The following RNLS variants were observed in gnomAD, a reference collection of about 807,000 sequenced individuals.
RNLS encodes the protein renalase.
RNLS carries 39 observed loss-of-function variants against 39.8 expected under a neutral mutation model. That is an observed-to-expected ratio of 0.98 (90% CI 0.76 to 1.28). RNLS has a LOEUF of 1.28. RNLS is among the 50% of genes most tolerant of loss of function. The probability of loss-of-function intolerance (pLI) is 0.00; values close to 1 mark genes in which losing one functional copy is unlikely to be tolerated. For synonymous variants in RNLS, 147 were observed against 150.7 expected, an observed-to-expected ratio of 0.98 and a Z score of 0.18; for missense variants, 410 against 413.3, an observed-to-expected ratio of 0.99 and a Z score of 0.07.
chr10:88,510,971 G>A (rs555644047), intron 4 of RNLS, among the ~76,000 whole-genome samples: 16 of 144,720 alleles, frequency 1.1e-4, no homozygotes, highest in South Asian at 2.2e-4. Context: ...ATTCATCCAC[G>A]TAAGAAGACA....
the RNLS span, among the ~76,000 whole-genome samples, chr10:88,254,934 T>C: frequency 6.6e-6 from 1 of 152,232 alleles, no homozygotes. Flanking sequence ...AGAATAAATA[T>C]AAAACACTCT....
intron 4 of RNLS, among the ~76,000 whole-genome samples, chr10:88,563,127 C>T (rs1472070975): frequency 1.3e-5 from 2 of 152,026 alleles, no homozygotes. Flanking sequence ...TATAAAGATG[C>T]CAATTCTTCC....
At chr10:88,363,045 C>T (rs747393731) in intron 4 of RNLS, among the ~76,000 whole-genome samples, 3 of 152,186 alleles carry the variant, frequency 2.0e-5, no homozygotes, top group Non-Finnish European at 2.9e-5. Flanking sequence ...TTATAGATTC[C>T]ATACACTGAC....
At chr10:88,323,269 A>T (rs562008231) in intron 5 of RNLS, among the ~76,000 whole-genome samples, 1 of 152,050 alleles carries the variant, frequency 6.6e-6, no homozygotes, top group African/African-American at 2.4e-5. Flanking sequence ...TTTTCACAGA[A>T]TTAGAAAAAA....
At chr10:88,546,806 G>C (rs1848336884) in intron 4 of RNLS, among the ~76,000 whole-genome samples, 1 of 151,374 alleles carries the variant, frequency 6.6e-6, no homozygotes, top group African/African-American at 2.4e-5. Context: ...GAATGGGCTA[G>C]ATAAAATTTC....
chr10:88,230,408 C>T, the RNLS span, among the ~76,000 whole-genome samples: 1 of 152,110 alleles, frequency 6.6e-6, no homozygotes, highest in Non-Finnish European at 1.5e-5. Context: ...TGCCCTCATC[C>T]ACCTGAGTCG....
At chr10:88,247,173 G>A in the RNLS span, among the ~76,000 whole-genome samples, 1 of 152,212 alleles carries the variant, frequency 6.6e-6, no homozygotes, top group South Asian at 2.1e-4. Context: ...TGGCTTGGAG[G>A]GCCCTGATAA....
intron 4 of RNLS, among the ~76,000 whole-genome samples, chr10:88,371,441 A>T (rs956335769): frequency 1.3e-5 from 2 of 152,202 alleles, no homozygotes; most frequent in Admixed American, 6.5e-5. Context: ...CAGAGTAGAG[A>T]ATAAAAACAA....
At chr10:88,304,443 G>C (rs561411516) in intron 6 of RNLS, among the ~76,000 whole-genome samples, 1 of 152,132 alleles carries the variant, frequency 6.6e-6, no homozygotes, top group Non-Finnish European at 1.5e-5. Flanking sequence ...CAAAAATAAT[G>C]ATAAAACAAG....
At chr10:88,485,554 G>A (rs1844445359) in intron 4 of RNLS, among the ~76,000 whole-genome samples, 1 of 144,162 alleles carries the variant, frequency 6.9e-6, no homozygotes. Context: ...GATAATAAAA[G>A]AATTACTCCA....
At chr10:88,522,220 G>A (rs543075273) in intron 4 of RNLS, among the ~76,000 whole-genome samples, 1 of 152,218 alleles carries the variant, frequency 6.6e-6, no homozygotes, top group East Asian at 1.9e-4. Context: ...AGTACAGACA[G>A]TGCCTGAAAT....
downstream of RNLS, among the ~76,000 whole-genome samples, chr10:88,282,383 A>G (rs541722679): frequency 6.6e-6 from 1 of 152,164 alleles, no homozygotes; most frequent in South Asian, 2.1e-4. Context: ...TGGTTGGCCA[A>G]GATCTGTGCC....
chr10:88,359,538 C>T (rs900910630), intron 5 of RNLS, among the ~76,000 whole-genome samples: 1 of 152,164 alleles, frequency 6.6e-6, no homozygotes, highest in Admixed American at 6.5e-5. Context: ...ATTTAAAACT[C>T]GCATAATTGA....
chr10:88,454,029 A>C (rs1252414446), intron 4 of RNLS, among the ~76,000 whole-genome samples: 1 of 152,214 alleles, frequency 6.6e-6, no homozygotes, highest in Admixed American at 6.5e-5. Context: ...ACTAGAAACT[A>C]TGGGAGTGGA....
intron 5 of RNLS, among the ~76,000 whole-genome samples, chr10:88,350,167 CT>C (rs1848582517): frequency 6.6e-6 from 1 of 150,738 alleles, no homozygotes; most frequent in East Asian, 1.9e-4. Context: ...TTTTGCCTGT[CT>C]GGATTGCATT....
chr10:88,423,044 T>A (rs1415318629), intron 4 of RNLS, among the ~76,000 whole-genome samples: 1 of 152,192 alleles, frequency 6.6e-6, no homozygotes, highest in East Asian at 1.9e-4. Flanking sequence ...CCACGGTGCC[T>A]GGCCTAGTAG....
chr10:88,217,480 G>A, the RNLS span, among the ~76,000 whole-genome samples: 26 of 152,126 alleles, frequency 1.7e-4, no homozygotes, highest in Admixed American at 1.7e-3. Context: ...CACTCTAGGA[G>A]TGTGATCTGA....
chr10:88,178,972 G>T, the RNLS span, among the ~76,000 whole-genome samples: 2 of 152,162 alleles, frequency 1.3e-5, no homozygotes, highest in African/African-American at 4.8e-5. Flanking sequence ...TGAGTCAAGT[G>T]CTATTGTAGA....
At position 88,355,542 on chromosome 10, in the gene RNLS, C is replaced by T. The variant is rs566145598; in HGVS notation, c.700+7010G>A. Among the ~76,000 whole-genome samples the T allele has an allele frequency of 1.1e-4, 16 of 152,246 alleles. No individual in the cohort carries two copies. The East Asian group carries it at 3.1e-3, about 29-fold the overall frequency. Reference sequence around the variant, plus strand: ...CAGAACAGGGAATATTGCTGAACAGCAAATGTTGCTGTCTGATTGTTCCTG... The same window carrying T: ...CAGAACAGGGAATATTGCTGAACAGTAAATGTTGCTGTCTGATTGTTCCTG... On this transcript the variant is annotated intron_variant, in intron 5 of 6. Coordinates refer to ENST00000331772, the MANE Select transcript of RNLS (RefSeq NM_001031709.3).
Sources: allele counts gnomAD v4.1 joint callset (sites outside exome capture counted in the v4.1 genomes callset), GRCh38; gene constraint gnomAD v4.1.1; transcripts MANE v1.5; gene names NCBI Gene and HGNC (gene_info 2026-07-23, HGNC 2026-07-21).